ODF2L: variants seen among roughly 807,000 people sequenced by gnomAD.
The protein encoded by ODF2L is protein BCAP.
A neutral mutation model predicts 86.3 loss-of-function variants in ODF2L; 76 were observed. The ratio of observed to expected loss-of-function variants is 0.88; its 90% CI spans 0.73 to 1.07. ODF2L has a LOEUF of 1.07. Among genes scored for constraint, ODF2L ranks in the 50% least tolerant of loss-of-function variants. The probability of loss-of-function intolerance (pLI) is 0.00; values close to 1 mark genes in which losing one functional copy is unlikely to be tolerated. For synonymous variants in ODF2L, 241 were observed against 231.3 expected (o/e 1.04, Z -0.38); for missense variants, 748 against 717.4 (o/e 1.04, Z -0.49).
intron 11 of ODF2L, among the ~76,000 whole-genome samples, chr1:86,367,559 A>G (rs1390101544): frequency 1.3e-5 from 2 of 151,384 alleles, no homozygotes; most frequent in Admixed American, 6.6e-5. Flanking sequence ...AGAAGGGAAA[A>G]AAAAAAACAA....
At chr1:86,383,377 T>A (rs1178441572) in intron 4 of ODF2L, among the ~76,000 whole-genome samples, 181 bp from the exon 5 acceptor site, 1 of 151,860 alleles carries the variant, frequency 6.6e-6, no homozygotes, top group Non-Finnish European at 1.5e-5. Context: ...CTGCAATTTA[T>A]GAAATTAGTT....
At chr1:86,387,063 C>T (rs571407194) in exon 2 of ODF2L, 77 of 969,466 alleles carry the variant, frequency 7.9e-5, no homozygotes, top group Middle Eastern at 2.2e-4. Flanking sequence ...GGCTTCACAG[C>T]GACTTCTCCA....
In ODF2L at chr1:86,368,959, TAAC is replaced by T. The variant is rs200030127; in HGVS notation, c.1057-240_1057-238del. On this transcript the variant is annotated intron_variant, in intron 10 of 17. Coordinates refer to ENST00000317336, the Ensembl canonical transcript of ODF2L. ...TGAACAAAGCAAGATATTATTTTAA[TAAC>T]AACTACGAAAAAACAGAAATATTAC... Among the ~76,000 whole-genome samples, 873 of 152,202 alleles carry T rather than the reference TAAC, an allele frequency of 5.7e-3. 9 individuals carry two copies. The highest frequency in any genetic ancestry group is 0.02 in the African/African-American group (812 of 41,558).
chr1:86,375,273 G>C (rs1431234758), intron 8 of ODF2L, among the ~76,000 whole-genome samples: 2 of 152,060 alleles, frequency 1.3e-5, no homozygotes, highest in African/African-American at 4.8e-5. Context: ...ATGCATTACA[G>C]CAACAGAAAG....
intron 7 of ODF2L, among the ~76,000 whole-genome samples, chr1:86,379,041 C>T (rs115683230): frequency 0.015 from 2,307 of 152,062 alleles, 52 homozygotes; most frequent in African/African-American, 0.052. Context: ...TAAAAGTGTG[C>T]AGCACCTCCC....
intron 1 of ODF2L, among the ~76,000 whole-genome samples, chr1:86,394,720 AG>A (rs1297776112): frequency 6.6e-6 from 1 of 152,208 alleles, no homozygotes; most frequent in East Asian, 1.9e-4. Flanking sequence ...TTGTGAAATA[AG>A]AAGATGAAAA....
intron 1 of ODF2L, among the ~76,000 whole-genome samples, chr1:86,395,107 T>G (rs1447627543): frequency 1.3e-5 from 2 of 152,160 alleles, no homozygotes. Flanking sequence ...CCTCCCAAAG[T>G]GCTGGGATTA....
At chr1:86,375,159 C>A (rs1464916573) in intron 8 of ODF2L, among the ~76,000 whole-genome samples, 1 of 151,786 alleles carries the variant, frequency 6.6e-6, no homozygotes, top group Admixed American at 6.6e-5. Flanking sequence ...TGAAAAGATA[C>A]CTGAATGATT....
chr1:86,364,287 G>A (rs1659245868), intron 11 of ODF2L, among the ~76,000 whole-genome samples: 1 of 152,254 alleles, frequency 6.6e-6, no homozygotes, highest in Admixed American at 6.5e-5. Context: ...TTCATTGAGA[G>A]TTAAGTATAT....
At chr1:86,372,089 T>C (rs1371416793) in intron 9 of ODF2L, among the ~76,000 whole-genome samples, 4 of 150,404 alleles carry the variant, frequency 2.7e-5, no homozygotes, top group Non-Finnish European at 5.9e-5. Context: ...CTAGGGAGGC[T>C]GAAACAGGAA....
downstream of ODF2L, chr1:86,347,452 A>C (rs1308563287): frequency 6.6e-6 from 1 of 152,206 alleles, no homozygotes; most frequent in African/African-American, 2.4e-5. Flanking sequence ...GATGAGTACT[A>C]AGATTTTTTT....
At chr1:86,361,837 A>C (rs1045328750) in intron 11 of ODF2L, among the ~76,000 whole-genome samples, 3 of 152,232 alleles carry the variant, frequency 2.0e-5, no homozygotes, top group Admixed American at 6.5e-5. Flanking sequence ...GTTACTTTTT[A>C]AAATGCTGCA....
chr1:86,354,804 A>T (rs1217818373), exon 15 of ODF2L: 1 of 1,606,472 alleles, frequency 6.2e-7, no homozygotes, highest in Non-Finnish European at 8.5e-7. Context: ...CAGCTGAATA[A>T]GACAGTTTTC....
At chr1:86,368,744 GT>G in intron 10 of ODF2L, 1 of 1,365,670 alleles carries the variant, frequency 7.3e-7, no homozygotes, top group South Asian at 1.9e-5. Context: ...ACAACAAAAA[GT>G]TTATGTATGA....
intron 12 of ODF2L, among the ~76,000 whole-genome samples, chr1:86,359,489 GC>G (rs1406406330): frequency 6.7e-6 from 1 of 149,346 alleles, no homozygotes; most frequent in African/African-American, 2.5e-5. Context: ...CCACACTTTG[GC>G]CCCCTTAAGC....
intron 11 of ODF2L, among the ~76,000 whole-genome samples, chr1:86,363,615 T>C (rs1377561061): frequency 6.6e-6 from 1 of 152,068 alleles, no homozygotes; most frequent in Admixed American, 6.5e-5. Flanking sequence ...AAAGAAATTA[T>C]GTTTTTATTT....
At chr1:86,354,558 T>C in exon 16 of ODF2L, 1 of 1,605,910 alleles carries the variant, frequency 6.2e-7, no homozygotes. Flanking sequence ...TAAAGCAGCT[T>C]CCAGTTGTCT....
At chr1:86,368,360 T>C (rs1426883919) in intron 11 of ODF2L, among the ~76,000 whole-genome samples, 2 of 152,180 alleles carry the variant, frequency 1.3e-5, no homozygotes, top group Non-Finnish European at 2.9e-5. Context: ...TTATCAATTA[T>C]GTTAGTGCTC....
intron 1 of ODF2L, among the ~76,000 whole-genome samples, chr1:86,390,872 C>T (rs186725856): frequency 1.2e-3 from 177 of 152,214 alleles, no homozygotes; most frequent in African/African-American, 4.0e-3. Flanking sequence ...GCATCCAAAT[C>T]GGTAAACAGG....
Sources: gnomAD v4.1 joint callset for allele counts (sites outside exome capture counted in the v4.1 genomes callset) on GRCh38, gnomAD v4.1.1 for gene constraint, MANE v1.5 for transcripts, NCBI Gene and HGNC (gene_info 2026-07-23, HGNC 2026-07-21) for gene names.